ATM: variants seen among roughly 807,000 people sequenced by gnomAD.
ATM encodes the protein ATM serine/threonine kinase, also known as serine-protein kinase ATM.
ATM carries 308 observed loss-of-function variants against 387.0 expected under a neutral mutation model. The observed-to-expected ratio is 0.80, with a 90% CI of 0.73 to 0.87. The LOEUF (loss-of-function observed/expected upper bound fraction) is 0.87. ATM is among the 40% of genes least tolerant of loss of function. ATM has a pLI of 0.00. For synonymous variants in ATM, 1,156 were observed against 1,187.3 expected (o/e 0.97, Z 0.54); for missense variants, 3,312 against 3,560.9 (o/e 0.93, Z 1.78).
chr11:108,296,464 C>G (rs951612354), intron 32 of ATM, among the ~76,000 whole-genome samples: 5 of 151,912 alleles, frequency 3.3e-5, no homozygotes, highest in African/African-American at 1.2e-4. Context: ...GTTGTCCAGG[C>G]TGGTCTTGAA....
At chr11:108,343,195 T>C (rs2087799038) in intron 56 of ATM, 27 bp from the exon 57 acceptor site, 1 of 1,613,630 alleles carries the variant, frequency 6.2e-7, no homozygotes, top group African/African-American at 1.3e-5. Context: ...CTTTTAAAAT[T>C]AAAAGGTATT....
chr11:108,257,065 T>C (rs554444960), intron 14 of ATM, among the ~76,000 whole-genome samples: 12 of 152,370 alleles, frequency 7.9e-5, no homozygotes, highest in African/African-American at 2.9e-4. Flanking sequence ...ATGGTATTTC[T>C]AGTTCTAGAT....
In ATM at chr11:108,312,489, A is replaced by C. The variant is rs1430297849; in HGVS notation, c.5997A>C (p.Ile1999=). The C allele has an allele frequency of 1.3e-6, 2 of 1,562,768 alleles. No homozygotes were observed. The highest frequency in any genetic ancestry group is 2.2e-5 in the South Asian group (2 of 89,916). Residue 1999 remains isoleucine, a synonymous_variant, in exon 40 of 63, where the codon ATA becomes ATC. Coordinates refer to ENST00000675843, the MANE Select transcript of ATM (RefSeq NM_000051.4). ...LSEKSKEETG[I]SLQDLLLEIY... is the part of the protein sequence containing the mutation. ...AAAAAAGTAAAGAAGAAACTGGAAT[A>C]AGTTTACAGGTAAATATTAGAGGCT...
intron 56 of ATM, among the ~76,000 whole-genome samples, chr11:108,338,409 C>CT (rs111965167): frequency 3.5e-4 from 53 of 152,264 alleles, no homozygotes; most frequent in African/African-American, 1.3e-3. Flanking sequence ...AATCTCAGCA[C>CT]TTTGAGAGGC....
In ATM at chr11:108,271,319, T is replaced by C. The variant is rs1555085101; in HGVS notation, c.2990T>C (p.Val997Ala). 1 of 1,614,018 alleles carries C rather than the reference T, an allele frequency of 6.2e-7. No individual in the cohort carries two copies. Among genetic ancestry groups the C allele is most frequent in the Non-Finnish European group, 8.5e-7 (1 of 1,180,000 alleles). ...ACTATTTTAAACCATGTCCTTCATG[T>C]AGTGAAAAACCTAGGTCAAAGCAAT... ...CKTILNHVLH[V>A]VKNLGQSNMD... The change falls in exon 20 of 63, where the codon GTA (valine) becomes GCA (alanine). Residue 997 changes from valine to alanine, a missense_variant. This residue lies in a region of ATM where 1,791 missense variants were observed against 1,804.5 expected (regional missense o/e 0.99). Transcript: ENST00000675843.
At chr11:108,259,217 C>T (rs751053262) in intron 16 of ATM, 142 bp downstream of exon 16, 19 of 775,442 alleles carry the variant, frequency 2.5e-5, no homozygotes, top group African/African-American at 6.9e-5. Context: ...AGGCCAGGTG[C>T]GGTGGCTCAT....
chr11:108,286,312 C>CAAA (rs34917552), intron 26 of ATM, among the ~76,000 whole-genome samples: 5 of 47,172 alleles, frequency 1.1e-4, no homozygotes, highest in Admixed American at 3.2e-4. Flanking sequence ...GATTTCGTCT[C>CAAA]AAAAAAAAAA....
intron 16 of ATM, among the ~76,000 whole-genome samples, chr11:108,260,077 C>T (rs564419752): frequency 2.1e-5 from 3 of 145,828 alleles, no homozygotes; most frequent in East Asian, 2.0e-4. Context: ...CTCTGTTGCC[C>T]GGGCTGGAGT....
intron 39 of ATM, 106 bp downstream of exon 39, chr11:108,310,421 A>AT (rs2084052764): frequency 9.4e-7 from 1 of 1,060,596 alleles, no homozygotes; most frequent in African/African-American, 1.6e-5. Context: ...TTTAAAAGAT[A>AT]TTTTAGATAG....
At chr11:108,339,881 A>G (rs2087314398) in intron 56 of ATM, among the ~76,000 whole-genome samples, 1 of 152,186 alleles carries the variant, frequency 6.6e-6, no homozygotes, top group Admixed American at 6.5e-5. Flanking sequence ...GGGAGAGGGC[A>G]TGTAGAATAC....
chr11:108,332,743 T>C lies in ATM; in HGVS notation c.7789-19T>C, dbSNP rs560800769. The C allele has an allele frequency of 5.6e-6, 9 of 1,609,416 alleles. No homozygotes were observed. Among genetic ancestry groups the C allele is most frequent in the Non-Finnish European group, 7.6e-6 (9 of 1,178,530 alleles). On this transcript the variant is annotated intron_variant, in intron 52 of 62. Coordinates refer to ENST00000675843, the MANE Select transcript of ATM (RefSeq NM_000051.4). ...GTTGGGTAGTTCCTTATGTAATGTT[T>C]TTTGTTTTTTATTAATAGGATCGAA... is the stretch of plus-strand genomic sequence containing the variant.
chr11:108,304,950 A>G, intron 37 of ATM, 98 bp downstream of exon 37: 11 of 1,374,630 alleles, frequency 8.0e-6, no homozygotes, highest in Non-Finnish European at 1.1e-5. Context: ...ACAGGATTAA[A>G]TCTATAACCT....
At chr11:108,307,832 CAAG>C in intron 37 of ATM, 62 bp from the exon 38 acceptor site, 8 of 1,418,730 alleles carry the variant, frequency 5.6e-6, no homozygotes, top group Non-Finnish European at 6.9e-6. Flanking sequence ...GACACATAAA[CAAG>C]AAGGAAGAAG....
At chr11:108,297,479 G>T in intron 33 of ATM, 97 bp downstream of exon 33, 1 of 1,058,934 alleles carries the variant, frequency 9.4e-7, no homozygotes, top group Non-Finnish European at 1.4e-6. Context: ...GTTTTCTGTT[G>T]CCTGTAGTAT....
At chr11:108,267,373 T>G in intron 17 of ATM, 31 bp downstream of exon 17, 1 of 1,603,016 alleles carries the variant, frequency 6.2e-7, no homozygotes, top group Non-Finnish European at 8.5e-7. Context: ...TGGGATTTCT[T>G]TTACTTCTTT....
At chr11:108,279,981 A>T (rs1280004200) in intron 23 of ATM, among the ~76,000 whole-genome samples, 1 of 152,226 alleles carries the variant, frequency 6.6e-6, no homozygotes, top group Non-Finnish European at 1.5e-5. Flanking sequence ...ACAAAATCAA[A>T]TCATTGTGGT....
intron 23 of ATM, 82 bp from the exon 24 acceptor site, chr11:108,280,913 T>A (rs2082194629): frequency 3.8e-6 from 5 of 1,301,874 alleles, no homozygotes; most frequent in Non-Finnish European, 5.4e-6. Flanking sequence ...TGTCAAAAAA[T>A]CTGGAGTTCA....
intron 49 of ATM, among the ~76,000 whole-genome samples, chr11:108,330,008 C>T (rs983327897): frequency 1.3e-5 from 2 of 152,134 alleles, no homozygotes; most frequent in African/African-American, 4.8e-5. Context: ...GGGAGAGTCC[C>T]CTTTGTCCTT....
At chr11:108,335,260 A>G (rs760976326) in intron 55 of ATM, 151 bp downstream of exon 55, 83 of 1,530,614 alleles carry the variant, frequency 5.4e-5, no homozygotes, top group Non-Finnish European at 6.8e-5. Context: ...ATTATTTTCT[A>G]GAACCAGGCT....
Sources: gnomAD v4.1 joint callset for allele counts (sites outside exome capture counted in the v4.1 genomes callset) on GRCh38, gnomAD v4.1.1 for gene constraint, gnomAD v4.1.1 regional missense constraint, MANE v1.5 for transcripts, NCBI Gene and HGNC (gene_info 2026-07-23, HGNC 2026-07-21) for gene names.